The following ANKS1B variants were observed in gnomAD, a reference collection of about 807,000 sequenced individuals.
ANKS1B encodes the protein ankyrin repeat and sterile alpha motif domain containing 1B.
A neutral mutation model predicts 148.3 loss-of-function variants in ANKS1B; 36 were observed. The observed-to-expected ratio is 0.24, with a 90% confidence interval of 0.19 to 0.32. The LOEUF (loss-of-function observed/expected upper bound fraction) is 0.32. Among genes scored for constraint, ANKS1B ranks in the 10% least tolerant of loss-of-function variants. The pLI is 1.00. For missense variants in ANKS1B, 1,157 were observed against 1,542.6 expected, an observed-to-expected ratio of 0.75 and a Z score of 4.19; for synonymous variants, 542 against 560.8, an observed-to-expected ratio of 0.97 and a Z score of 0.47.
intron 9 of ANKS1B, among the ~76,000 whole-genome samples, chr12:99,641,459 G>A (rs2098304413): frequency 6.6e-6 from 1 of 152,064 alleles, no homozygotes; most frequent in Non-Finnish European, 1.5e-5. Context: ...ATTATAAACA[G>A]GTATGAGGAG....
intron 17 of ANKS1B, among the ~76,000 whole-genome samples, chr12:98,904,618 G>A (rs139905862): frequency 0.016 from 2,454 of 152,308 alleles, 42 homozygotes; most frequent in South Asian, 0.084. Flanking sequence ...CTCTCCTCCT[G>A]CCAGTGCCCC....
At chr12:99,039,555 G>A (rs146370245) in intron 17 of ANKS1B, among the ~76,000 whole-genome samples, 10 of 152,284 alleles carry the variant, frequency 6.6e-5, no homozygotes, top group Non-Finnish European at 1.5e-4. Flanking sequence ...TGCCCCAGTG[G>A]AATAAGGAAC....
intron 14 of ANKS1B, among the ~76,000 whole-genome samples, chr12:99,200,337 G>A (rs866979083): frequency 3.3e-5 from 5 of 152,224 alleles, no homozygotes; most frequent in East Asian, 1.9e-4. Flanking sequence ...TGCTACCATC[G>A]TTTACAGGTT....
chr12:98,775,486 T>C (rs993649216), intron 24 of ANKS1B, among the ~76,000 whole-genome samples: 3 of 152,170 alleles, frequency 2.0e-5, no homozygotes, highest in Admixed American at 2.0e-4. Flanking sequence ...GGTCTTGCTC[T>C]GTTGCCCAGG....
chr12:99,149,280 GA>G (rs953559286), intron 15 of ANKS1B, among the ~76,000 whole-genome samples: 2 of 152,046 alleles, frequency 1.3e-5, no homozygotes, highest in African/African-American at 2.4e-5. Flanking sequence ...ATAGCAATGG[GA>G]AAAAAGTTTT....
intron 9 of ANKS1B, among the ~76,000 whole-genome samples, chr12:99,589,044 CTG>C (rs1597632038): frequency 6.6e-6 from 1 of 152,188 alleles, no homozygotes. Context: ...CAAAGTAGTG[CTG>C]TGTCTACCAC....
At chr12:99,050,171 C>A (rs1599004342) in intron 17 of ANKS1B, among the ~76,000 whole-genome samples, 1 of 152,164 alleles carries the variant, frequency 6.6e-6, no homozygotes, top group East Asian at 1.9e-4. Context: ...TATTTGGGTA[C>A]CTCTCTCATT....
chr12:99,690,029 T>C (rs1256060228), intron 8 of ANKS1B, among the ~76,000 whole-genome samples: 5 of 152,144 alleles, frequency 3.3e-5, no homozygotes, highest in African/African-American at 1.2e-4. Context: ...TCAGGAAACT[T>C]ACAATCATGG....
chr12:99,872,926 T>A (rs1206275489), intron 1 of ANKS1B, among the ~76,000 whole-genome samples: 1 of 152,134 alleles, frequency 6.6e-6, no homozygotes, highest in Non-Finnish European at 1.5e-5. Context: ...TAAAAAGAAG[T>A]TTTGTCCCTA....
chr12:99,122,158 T>C (rs1343872265), intron 15 of ANKS1B, among the ~76,000 whole-genome samples: 3 of 152,134 alleles, frequency 2.0e-5, no homozygotes, highest in Non-Finnish European at 2.9e-5. Flanking sequence ...ATCGATTTTG[T>C]GAAAATGTTA....
intron 11 of ANKS1B, among the ~76,000 whole-genome samples, chr12:99,427,633 T>C (rs2095285266): frequency 6.6e-6 from 1 of 152,200 alleles, no homozygotes; most frequent in Admixed American, 6.5e-5. Flanking sequence ...AATATTTACC[T>C]CCTCTTGAAT....
chr12:99,612,205 T>C (rs1175952610), intron 9 of ANKS1B, among the ~76,000 whole-genome samples: 1 of 152,048 alleles, frequency 6.6e-6, no homozygotes, highest in African/African-American at 2.4e-5. Flanking sequence ...AAAATACATA[T>C]CCCAAAGATT....
intron 9 of ANKS1B, among the ~76,000 whole-genome samples, chr12:99,508,169 A>G (rs1056743730): frequency 6.6e-6 from 1 of 151,872 alleles, no homozygotes; most frequent in Non-Finnish European, 1.5e-5. Flanking sequence ...ACAGGAGCTC[A>G]TTGTTTAAGA....
chr12:99,108,003 G>A (rs2059578683), intron 15 of ANKS1B, among the ~76,000 whole-genome samples: 1 of 151,886 alleles, frequency 6.6e-6, no homozygotes, highest in South Asian at 2.1e-4. Flanking sequence ...ACTTTCCCTG[G>A]GCCTCCCAGG....
At chr12:99,795,608 T>C (rs1602314681) in intron 4 of ANKS1B, among the ~76,000 whole-genome samples, 1 of 152,012 alleles carries the variant, frequency 6.6e-6, no homozygotes, top group East Asian at 1.9e-4. Context: ...TTTAAAAATA[T>C]GATAGTGTCT....
chr12:99,271,500 C>A (rs1173454134), intron 12 of ANKS1B, among the ~76,000 whole-genome samples: 1 of 151,462 alleles, frequency 6.6e-6, no homozygotes, highest in African/African-American at 2.4e-5. Flanking sequence ...ATTAGTATCC[C>A]TAGCTTCTAT....
chr12:99,434,205 A>G (rs1239298554), intron 11 of ANKS1B, among the ~76,000 whole-genome samples: 1 of 152,150 alleles, frequency 6.6e-6, no homozygotes, highest in African/African-American at 2.4e-5. Context: ...TGTGCTGTCA[A>G]TAATAAGTGA....
In ANKS1B at chr12:98,745,406, A is replaced by C. The variant is rs1287212271; in HGVS notation, c.*333T>G. The C allele has an allele frequency of 1.1e-6, 1 of 915,422 alleles. No individual in the cohort carries two copies. Among genetic ancestry groups the C allele is most frequent in the African/African-American group, 2.2e-5 (1 of 45,624 alleles). The allele number at this position is 915,422 out of a possible 1,614,324, so 56.7% of individuals were successfully genotyped here. ...TTTTTTTTTTTTTTTTTTTAAAGAA[A>C]AGGTATTATTTTCCCCAAATGAAGC... On this transcript the variant is annotated 3_prime_UTR_variant, in exon 27 of 27. Transcript: ENST00000683438.
At chr12:99,904,246 C>A (rs1464892477) in intron 1 of ANKS1B, among the ~76,000 whole-genome samples, 1 of 150,750 alleles carries the variant, frequency 6.6e-6, no homozygotes, top group Non-Finnish European at 1.5e-5. Flanking sequence ...GGCTGGAGTG[C>A]AATGGCATGA....
Sources: gnomAD v4.1 joint callset for allele counts (sites outside exome capture counted in the v4.1 genomes callset) on GRCh38, gnomAD v4.1.1 for gene constraint, MANE v1.5 for transcripts, NCBI Gene and HGNC (gene_info 2026-07-23, HGNC 2026-07-21) for gene names.